The following TSPAN18 variants were observed in gnomAD, a reference collection of about 807,000 sequenced individuals.
TSPAN18 encodes tetraspanin 18.
TSPAN18 carries 14 observed loss-of-function variants against 27.3 expected under a neutral mutation model. The ratio of observed to expected loss-of-function variants is 0.51; its 90% confidence interval spans 0.34 to 0.80. The LOEUF is 0.80. TSPAN18 is among the 30% of genes least tolerant of loss of function. The pLI, the probability that TSPAN18 is intolerant of heterozygous loss-of-function variation, is 0.01. For missense variants in TSPAN18, 268 were observed against 323.9 expected (o/e 0.83, Z 1.32); for synonymous variants, 143 against 136.5 (o/e 1.05, Z -0.33).
intron 2 of TSPAN18, among the ~76,000 whole-genome samples, chr11:44,811,627 T>G (rs1428101571): frequency 6.6e-6 from 1 of 151,922 alleles, no homozygotes; most frequent in Non-Finnish European, 1.5e-5. Context: ...ACCTGGCTAA[T>G]TTTTTTGTAT....
At chr11:44,801,459 T>C (rs991485360) in intron 2 of TSPAN18, among the ~76,000 whole-genome samples, 5 of 152,224 alleles carry the variant, frequency 3.3e-5, no homozygotes, top group Non-Finnish European at 5.9e-5. Context: ...AGCACAGAGC[T>C]GGGCATACAG....
intron 2 of TSPAN18, among the ~76,000 whole-genome samples, chr11:44,772,424 AT>A (rs1855708225): frequency 4.3e-4 from 2 of 4,696 alleles, no homozygotes; most frequent in Admixed American, 7.0e-3. Flanking sequence ...CCGTTATGAC[AT>A]GGAAAATGTA....
At chr11:44,752,917 GT>G (rs1855245274) in intron 1 of TSPAN18, among the ~76,000 whole-genome samples, 1 of 152,138 alleles carries the variant, frequency 6.6e-6, no homozygotes. Context: ...TTTATACAAA[GT>G]TACATTCCTC....
At chr11:44,808,357 G>T (rs57063595) in intron 2 of TSPAN18, among the ~76,000 whole-genome samples, 1,777 of 152,312 alleles carry the variant, frequency 0.012, 25 homozygotes, top group African/African-American at 0.041. Flanking sequence ...TGTGATGATG[G>T]ACAGACCTAG....
intron 2 of TSPAN18, among the ~76,000 whole-genome samples, chr11:44,772,429 A>C (rs1294530616): frequency 1.6e-4 from 24 of 152,194 alleles, no homozygotes; most frequent in Non-Finnish European, 3.2e-4. Flanking sequence ...ATGACATGGA[A>C]AATGTAAAAA....
intron 2 of TSPAN18, among the ~76,000 whole-genome samples, chr11:44,781,399 T>A (rs768192368): frequency 2.0e-5 from 3 of 152,190 alleles, no homozygotes; most frequent in Non-Finnish European, 4.4e-5. Flanking sequence ...ACAACAACCT[T>A]AATTGGTCAT....
intron 2 of TSPAN18, among the ~76,000 whole-genome samples, chr11:44,818,411 G>T (rs59024355): frequency 0.073 from 11,152 of 152,274 alleles, 1,369 homozygotes; most frequent in African/African-American, 0.25. Context: ...GGATTTCCTG[G>T]CTCAGCACCC....
At chr11:44,759,634 A>G (rs1855405585) in intron 1 of TSPAN18, among the ~76,000 whole-genome samples, 1 of 152,116 alleles carries the variant, frequency 6.6e-6, no homozygotes, top group African/African-American at 2.4e-5. Context: ...TCCCTCAACC[A>G]ATTATAGCCT....
chr11:44,910,978 G>A lies in TSPAN18; in HGVS notation c.258+1079G>A, dbSNP rs1235827757. 3.3e-5 allele frequency among the ~76,000 whole-genome samples: 5 copies of A among 152,346 alleles called. No homozygotes were observed. In the East Asian group the frequency reaches 9.6e-4, roughly 29 times the overall value. On this transcript the variant is annotated intron_variant, in intron 5 of 9. Coordinates refer to ENST00000520358, the MANE Select transcript of TSPAN18 (RefSeq NM_130783.5). ...TCAGCTATAGATCACAGCCAAACCA[G>A]ACAAGCAGTGGGTCTTCTCGTTCTC... is the stretch of plus-strand genomic sequence containing the variant.
intron 3 of TSPAN18, 50 bp from the exon 4 acceptor site, chr11:44,906,357 C>A (rs1461867437): frequency 1.3e-6 from 2 of 1,582,850 alleles, no homozygotes; most frequent in Non-Finnish European, 1.7e-6. Context: ...TGGGGTTCTT[C>A]CTGGGTGGGG....
intron 2 of TSPAN18, among the ~76,000 whole-genome samples, chr11:44,835,430 T>A (rs1565170841): frequency 6.6e-6 from 1 of 152,192 alleles, no homozygotes; most frequent in Non-Finnish European, 1.5e-5. Flanking sequence ...AATTTCAAGC[T>A]GAGATCTTCT....
At chr11:44,774,254 G>T (rs562505874) in intron 2 of TSPAN18, among the ~76,000 whole-genome samples, 1 of 152,208 alleles carries the variant, frequency 6.6e-6, no homozygotes, top group Non-Finnish European at 1.5e-5. Flanking sequence ...AGGCAGGCAG[G>T]CATGTCCCAC....
At chr11:44,927,712 C>T (rs1472755929) in intron 9 of TSPAN18, among the ~76,000 whole-genome samples, 9 of 152,108 alleles carry the variant, frequency 5.9e-5, no homozygotes, top group South Asian at 2.1e-4. Context: ...AAGATAAATC[C>T]GCAGCAAGCC....
chr11:44,749,059 G>A (rs1410789157), intron 1 of TSPAN18, among the ~76,000 whole-genome samples: 2 of 152,204 alleles, frequency 1.3e-5, no homozygotes, highest in Non-Finnish European at 2.9e-5. Context: ...ATGTCTGGCA[G>A]AGCTGGATCT....
intron 3 of TSPAN18, among the ~76,000 whole-genome samples, chr11:44,890,859 T>C (rs547946315): frequency 1.3e-5 from 2 of 152,188 alleles, no homozygotes; most frequent in East Asian, 3.9e-4. Context: ...TGTATTATTC[T>C]ACTCCAAATT....
At chr11:44,842,825 T>G (rs1565173505) in intron 2 of TSPAN18, among the ~76,000 whole-genome samples, 1 of 152,226 alleles carries the variant, frequency 6.6e-6, no homozygotes, top group Non-Finnish European at 1.5e-5. Flanking sequence ...ATGCACCAAG[T>G]TACCATCATC....
At chr11:44,916,628 T>C (rs577401919) in intron 5 of TSPAN18, among the ~76,000 whole-genome samples, 1 of 152,158 alleles carries the variant, frequency 6.6e-6, no homozygotes, top group African/African-American at 2.4e-5. Context: ...GGGGTTTGTA[T>C]GAGTGGTTGT....
At chr11:44,800,298 G>T (rs763621543) in intron 2 of TSPAN18, among the ~76,000 whole-genome samples, 4 of 152,164 alleles carry the variant, frequency 2.6e-5, no homozygotes, top group Non-Finnish European at 5.9e-5. Context: ...TTTTGATGAT[G>T]GAGAAACTGA....
At chr11:44,742,030 C>T (rs575443174) in intron 1 of TSPAN18, among the ~76,000 whole-genome samples, 22 of 147,610 alleles carry the variant, frequency 1.5e-4, no homozygotes, top group African/African-American at 2.9e-4. Context: ...GCAATCCAAC[C>T]GGAGTGGGAT....
Sources: gnomAD v4.1 joint callset for allele counts (sites outside exome capture counted in the v4.1 genomes callset) on GRCh38, gnomAD v4.1.1 for gene constraint, MANE v1.5 for transcripts, NCBI Gene and HGNC (gene_info 2026-07-23, HGNC 2026-07-21) for gene names.